The following LINGO2 variants were observed in gnomAD, a reference collection of about 807,000 sequenced individuals.
LINGO2 encodes the protein leucine rich repeat and Ig domain containing 2.
A neutral mutation model predicts 30.6 loss-of-function variants in LINGO2; 14 were observed. The observed-to-expected ratio is 0.46, with a 90% confidence interval of 0.30 to 0.72. The LOEUF (loss-of-function observed/expected upper bound fraction) is 0.72. Among genes scored for constraint, LINGO2 ranks in the 30% least tolerant of loss-of-function variants. The pLI, the probability that LINGO2 is intolerant of heterozygous loss-of-function variation, is 0.07. For synonymous variants in LINGO2, 317 were observed against 288.5 expected (o/e 1.10, Z -1.00); for missense variants, 729 against 751.7 (o/e 0.97, Z 0.35).
At chr9:28,550,350 A>C (rs1225091415) in intron 1 of LINGO2, among the ~76,000 whole-genome samples, 3 of 151,606 alleles carry the variant, frequency 2.0e-5, no homozygotes, top group African/African-American at 7.3e-5. Context: ...CTTCAGATTT[A>C]TCTTTCAAAG....
At chr9:28,721,945 C>T in the LINGO2 span, among the ~76,000 whole-genome samples, 402 of 151,960 alleles carry the variant, frequency 2.6e-3, 3 homozygotes, top group Non-Finnish European at 3.8e-3. Context: ...ATAACTAATG[C>T]CTTTCAAAGA....
At chr9:29,073,661 A>G in the LINGO2 span, among the ~76,000 whole-genome samples, 1 of 152,194 alleles carries the variant, frequency 6.6e-6, no homozygotes, top group African/African-American at 2.4e-5. Flanking sequence ...AACAGAAACT[A>G]TATGCCCCAC....
the LINGO2 span, among the ~76,000 whole-genome samples, chr9:29,011,346 T>C: frequency 6.6e-6 from 1 of 152,134 alleles, no homozygotes; most frequent in African/African-American, 2.4e-5. Flanking sequence ...ACCTTTTTCT[T>C]GCACCTACTA....
intron 4 of LINGO2, among the ~76,000 whole-genome samples, chr9:28,171,471 A>T (rs1292606734): frequency 6.6e-6 from 1 of 152,092 alleles, no homozygotes; most frequent in Admixed American, 6.5e-5. Context: ...ACCCCATCAA[A>T]CTGGGGAGAG....
chr9:28,765,079 T>A, the LINGO2 span, among the ~76,000 whole-genome samples: 4 of 152,006 alleles, frequency 2.6e-5, no homozygotes, highest in African/African-American at 9.7e-5. Flanking sequence ...CCTAAAGTGA[T>A]CTACAAATTC....
intron 4 of LINGO2, among the ~76,000 whole-genome samples, chr9:28,151,823 A>G (rs894038493): frequency 7.9e-5 from 12 of 152,152 alleles, no homozygotes; most frequent in African/African-American, 2.9e-4. Flanking sequence ...AGAACTATAA[A>G]GTTTGTAAAA....
chr9:28,187,218 C>T (rs1819572097), intron 4 of LINGO2, among the ~76,000 whole-genome samples: 1 of 152,102 alleles, frequency 6.6e-6, no homozygotes, highest in South Asian at 2.1e-4. Flanking sequence ...AGGCCAGGCG[C>T]AGTGGCTCAC....
chr9:28,543,470 G>T (rs1564279554), intron 1 of LINGO2, among the ~76,000 whole-genome samples: 1 of 152,064 alleles, frequency 6.6e-6, no homozygotes, highest in Non-Finnish European at 1.5e-5. Flanking sequence ...ACACATTTAT[G>T]TAGAGCACTG....
chr9:28,204,203 TCTA>T (rs1457947963), intron 4 of LINGO2, among the ~76,000 whole-genome samples: 5 of 152,174 alleles, frequency 3.3e-5, no homozygotes, highest in African/African-American at 1.2e-4. Flanking sequence ...TGTGTCTGTA[TCTA>T]CTTGTCTTTA....
At chr9:28,489,388 C>T (rs577052889) in intron 1 of LINGO2, among the ~76,000 whole-genome samples, 4 of 152,174 alleles carry the variant, frequency 2.6e-5, no homozygotes, top group Admixed American at 6.5e-5. Flanking sequence ...TGGCTAGTCT[C>T]GAACTCCTGA....
At chr9:28,819,410 T>TA in the LINGO2 span, among the ~76,000 whole-genome samples, 4 of 152,166 alleles carry the variant, frequency 2.6e-5, no homozygotes, top group Admixed American at 6.5e-5. Context: ...CAAGCATTTA[T>TA]AAAAAAAGTT....
At chr9:28,066,818 T>A (rs1294313336) in intron 4 of LINGO2, among the ~76,000 whole-genome samples, 1 of 152,080 alleles carries the variant, frequency 6.6e-6, no homozygotes, top group Non-Finnish European at 1.5e-5. Context: ...TAAGCAATAA[T>A]GTGTTATTCA....
intron 3 of LINGO2, among the ~76,000 whole-genome samples, chr9:28,333,777 C>T (rs17766008): frequency 5.3e-5 from 8 of 152,098 alleles, no homozygotes; most frequent in African/African-American, 1.7e-4. Flanking sequence ...GTAAGATATT[C>T]GAACGGGGTA....
chr9:28,335,386 G>A (rs771050046), intron 3 of LINGO2, among the ~76,000 whole-genome samples: 22 of 152,128 alleles, frequency 1.4e-4, no homozygotes, highest in Non-Finnish European at 2.8e-4. Context: ...GTCACTTCAG[G>A]CAAGACATTT....
chr9:29,129,026 T>A, the LINGO2 span, among the ~76,000 whole-genome samples: 5 of 152,286 alleles, frequency 3.3e-5, no homozygotes, highest in South Asian at 1.0e-3. Flanking sequence ...GGTTTAATAT[T>A]TGCCTTTGCT....
chr9:28,118,854 G>T (rs1272377964), intron 4 of LINGO2, among the ~76,000 whole-genome samples: 1 of 152,050 alleles, frequency 6.6e-6, no homozygotes, highest in Admixed American at 6.6e-5. Flanking sequence ...AATGATCCTT[G>T]CCATGAATAA....
chr9:29,040,153 G>C, the LINGO2 span, among the ~76,000 whole-genome samples: 54,196 of 151,782 alleles, frequency 0.36, 9,773 homozygotes, highest in East Asian at 0.48. Flanking sequence ...GTCCTAAGCT[G>C]TTTTATAATT....
the LINGO2 span, among the ~76,000 whole-genome samples, chr9:28,880,250 G>C: frequency 1.8e-4 from 27 of 152,254 alleles, no homozygotes; most frequent in East Asian, 4.8e-3. Context: ...TGTCTATGTA[G>C]AAAGGAAATA....
chr9:28,588,497 C>A (rs1160315118), intron 1 of LINGO2, among the ~76,000 whole-genome samples: 2 of 151,694 alleles, frequency 1.3e-5, no homozygotes, highest in African/African-American at 2.4e-5. Flanking sequence ...TCAGGACAAC[C>A]AAAATGTATA....
Sources: gnomAD v4.1 joint callset for allele counts (sites outside exome capture counted in the v4.1 genomes callset) on GRCh38, gnomAD v4.1.1 for gene constraint, MANE v1.5 for transcripts, NCBI Gene and HGNC (gene_info 2026-07-23, HGNC 2026-07-21) for gene names.